KCNQ5: variants seen among roughly 807,000 people sequenced by gnomAD.
KCNQ5 encodes potassium voltage-gated channel subfamily KQT member 5.
A neutral mutation model predicts 98.2 loss-of-function variants in KCNQ5; 30 were observed. That is an observed-to-expected ratio of 0.31 (90% CI 0.23 to 0.41). The LOEUF is 0.41. Ranked by LOEUF, KCNQ5 falls within the 10% of genes least tolerant of loss-of-function variation. The pLI is 1.00. For synonymous variants in KCNQ5, 458 were observed against 449.4 expected, an observed-to-expected ratio of 1.02 and a Z score of -0.24; for missense variants, 835 against 1,182.5, an observed-to-expected ratio of 0.71 and a Z score of 4.31.
At chr6:73,089,173 A>G (rs541941356) in intron 5 of KCNQ5, among the ~76,000 whole-genome samples, 3 of 152,336 alleles carry the variant, frequency 2.0e-5, no homozygotes, top group Admixed American at 2.0e-4. Context: ...ATTCAGCAGT[A>G]AGATAAAGTC....
intron 1 of KCNQ5, among the ~76,000 whole-genome samples, chr6:72,664,323 C>T (rs1348512854): frequency 6.6e-6 from 1 of 152,148 alleles, no homozygotes; most frequent in East Asian, 1.9e-4. Flanking sequence ...TCTAACAACA[C>T]AGTTTGTATT....
chr6:72,969,820 G>T (rs983582345), intron 1 of KCNQ5, among the ~76,000 whole-genome samples: 1 of 152,098 alleles, frequency 6.6e-6, no homozygotes, highest in Non-Finnish European at 1.5e-5. Flanking sequence ...TGTTGTCTGG[G>T]AGTATCTAAA....
intron 1 of KCNQ5, among the ~76,000 whole-genome samples, chr6:72,884,403 C>T (rs1383263834): frequency 1.3e-5 from 2 of 151,972 alleles, no homozygotes; most frequent in Non-Finnish European, 2.9e-5. Flanking sequence ...GAAGCAAATA[C>T]ACTTGGGAAA....
At chr6:72,899,947 G>A (rs1779415577) in intron 1 of KCNQ5, among the ~76,000 whole-genome samples, 1 of 152,136 alleles carries the variant, frequency 6.6e-6, no homozygotes, top group South Asian at 2.1e-4. Context: ...CCAGGTTCAA[G>A]TGATTCTCCT....
intron 1 of KCNQ5, among the ~76,000 whole-genome samples, chr6:72,717,712 C>T (rs376649009): frequency 2.0e-5 from 3 of 152,138 alleles, no homozygotes; most frequent in South Asian, 2.1e-4. Flanking sequence ...AGTTTAGAAT[C>T]GCTCTCCATG....
In KCNQ5 at chr6:72,736,712, G is replaced by T. The variant is rs554421009; in HGVS notation, c.398+114125G>T. 1.1e-4 allele frequency among the ~76,000 whole-genome samples: 17 copies of T among 150,726 alleles called. No individual in the cohort carries two copies. In the South Asian group the frequency reaches 3.4e-3, roughly 30 times the overall value. On this transcript the variant is annotated intron_variant, in intron 1 of 13. Coordinates refer to ENST00000370398, the MANE Select transcript of KCNQ5 (RefSeq NM_019842.4). ...GACGGGGTTTCACCGTTTTAGCCGG[G>T]ATGGTCTCGATCTCCTGACCTCGTG...
chr6:72,919,897 G>T (rs752053996), intron 1 of KCNQ5, among the ~76,000 whole-genome samples: 17 of 152,138 alleles, frequency 1.1e-4, no homozygotes, highest in Admixed American at 6.6e-5. Context: ...CTGTTTGTCT[G>T]TTGCTTGGAG....
chr6:73,056,456 G>C (rs543686221), intron 3 of KCNQ5, among the ~76,000 whole-genome samples: 3 of 152,126 alleles, frequency 2.0e-5, no homozygotes, highest in Non-Finnish European at 2.9e-5. Context: ...CCCTTCTAAG[G>C]GTTTCTCGTG....
intron 10 of KCNQ5, among the ~76,000 whole-genome samples, chr6:73,163,421 A>G (rs1371297666): frequency 2.0e-5 from 3 of 152,060 alleles, no homozygotes; most frequent in Non-Finnish European, 4.4e-5. Flanking sequence ...ATCAATAACC[A>G]TACATCTGGT....
chr6:73,051,610 GCCTTAC>G (rs995319940), intron 3 of KCNQ5, among the ~76,000 whole-genome samples: 71 of 150,774 alleles, frequency 4.7e-4, no homozygotes, highest in African/African-American at 1.6e-3. Flanking sequence ...TCTGAGCTGA[GCCTTAC>G]CCCCTAAATT....
At chr6:72,728,296 AC>A (rs78685817) in intron 1 of KCNQ5, among the ~76,000 whole-genome samples, 36,550 of 152,054 alleles carry the variant, frequency 0.24, 5,159 homozygotes, top group East Asian at 0.52. Context: ...AAATTCCCAT[AC>A]TTTTAATCAT....
intron 1 of KCNQ5, among the ~76,000 whole-genome samples, chr6:72,768,334 G>A (rs574675043): frequency 3.3e-5 from 5 of 152,010 alleles, no homozygotes; most frequent in South Asian, 2.1e-4. Flanking sequence ...GAGGGAAGTC[G>A]AACTGGAATG....
At chr6:73,140,634 G>A (rs536267999) in intron 10 of KCNQ5, among the ~76,000 whole-genome samples, 29 of 152,246 alleles carry the variant, frequency 1.9e-4, no homozygotes, top group African/African-American at 7.0e-4. Flanking sequence ...AGAACAAAAG[G>A]ATTTATTGAG....
intron 1 of KCNQ5, among the ~76,000 whole-genome samples, chr6:72,831,604 A>G (rs1776273325): frequency 6.6e-6 from 1 of 151,516 alleles, no homozygotes; most frequent in African/African-American, 2.4e-5. Context: ...GGGGAGGGAA[A>G]GCAGTAGGAG....
At chr6:72,998,676 G>A (rs1293468030) in intron 1 of KCNQ5, among the ~76,000 whole-genome samples, 1 of 151,760 alleles carries the variant, frequency 6.6e-6, no homozygotes, top group African/African-American at 2.4e-5. Flanking sequence ...GAAGGAGCTT[G>A]CAGTAGGTCA....
chr6:72,633,695 A>C (rs1218398311), intron 1 of KCNQ5, among the ~76,000 whole-genome samples: 1 of 152,208 alleles, frequency 6.6e-6, no homozygotes, highest in Non-Finnish European at 1.5e-5. Context: ...AGACACATAG[A>C]TCAATGGAAC....
intron 1 of KCNQ5, among the ~76,000 whole-genome samples, chr6:72,937,173 C>T (rs182610875): frequency 6.2e-4 from 94 of 152,272 alleles, no homozygotes; most frequent in African/African-American, 2.2e-3. Flanking sequence ...TAGTGCTTTA[C>T]GAACCCAGAG....
At chr6:73,058,134 C>T (rs937942501) in intron 3 of KCNQ5, among the ~76,000 whole-genome samples, 5 of 152,198 alleles carry the variant, frequency 3.3e-5, no homozygotes, top group South Asian at 2.1e-4. Context: ...TAAAACTGGC[C>T]GGGCACGGTG....
intron 1 of KCNQ5, among the ~76,000 whole-genome samples, chr6:72,763,905 T>G (rs932585513): frequency 6.6e-6 from 1 of 152,042 alleles, no homozygotes; most frequent in Non-Finnish European, 1.5e-5. Context: ...TGAGAAAGTA[T>G]GTAATCCCTT....
Sources: allele counts gnomAD v4.1 joint callset (sites outside exome capture counted in the v4.1 genomes callset), GRCh38; gene constraint gnomAD v4.1.1; transcripts MANE v1.5; gene names NCBI Gene and HGNC (gene_info 2026-07-23, HGNC 2026-07-21).